Variants in NELL1 observed in about 807,000 individuals in gnomAD.
NELL1 encodes the protein neural EGFL like 1, also known as protein kinase C-binding protein NELL1.
A neutral mutation model predicts 107.4 loss-of-function variants in NELL1; 76 were observed. The observed-to-expected ratio is 0.71, with a 90% confidence interval of 0.59 to 0.86. The LOEUF is 0.86. NELL1 is among the 40% of genes least tolerant of loss of function. The probability of loss-of-function intolerance (pLI) is 0.00; values close to 1 mark genes in which losing one functional copy is unlikely to be tolerated. For synonymous variants in NELL1, 353 were observed against 341.2 expected, an observed-to-expected ratio of 1.03 and a Z score of -0.38; for missense variants, 1,024 against 1,005.5, an observed-to-expected ratio of 1.02 and a Z score of -0.25.
At chr11:21,011,733 T>C (rs1446371607) in intron 12 of NELL1, among the ~76,000 whole-genome samples, 1 of 152,188 alleles carries the variant, frequency 6.6e-6, no homozygotes, top group Admixed American at 6.5e-5. Context: ...TTTTAGGTTC[T>C]TAGTGAACAC....
chr11:20,770,563 G>A (rs1856620027), intron 2 of NELL1, among the ~76,000 whole-genome samples: 1 of 152,142 alleles, frequency 6.6e-6, no homozygotes, highest in Admixed American at 6.5e-5. Flanking sequence ...AACACCCTGT[G>A]GCCAACACAG....
intron 12 of NELL1, among the ~76,000 whole-genome samples, chr11:21,035,599 T>A (rs1038974791): frequency 6.6e-6 from 1 of 152,096 alleles, no homozygotes; most frequent in African/African-American, 2.4e-5. Context: ...TCAATAAATG[T>A]GATTCATCAC....
At chr11:20,809,067 C>A (rs7936777) in intron 3 of NELL1, among the ~76,000 whole-genome samples, 1 of 152,058 alleles carries the variant, frequency 6.6e-6, no homozygotes, top group Non-Finnish European at 1.5e-5. Context: ...GGCTTCTATT[C>A]GGTCATCTTG....
At chr11:21,153,409 G>T (rs1300557431) in intron 13 of NELL1, among the ~76,000 whole-genome samples, 2 of 151,982 alleles carry the variant, frequency 1.3e-5, no homozygotes, top group Non-Finnish European at 2.9e-5. Context: ...GTGTAGAACA[G>T]AGTTGTAAGA....
chr11:21,293,830 A>G (rs1216581768), intron 14 of NELL1, among the ~76,000 whole-genome samples: 6 of 152,152 alleles, frequency 3.9e-5, no homozygotes, highest in African/African-American at 1.4e-4. Flanking sequence ...TAACACAAGA[A>G]CAGAAAACCA....
At position 20,871,515 on chromosome 11, in the gene NELL1, T is replaced by C. The variant is rs189025193; in HGVS notation, c.507-13929T>C. On this transcript the variant is annotated intron_variant, in intron 4 of 19. Transcript: ENST00000357134. ...TCTATCTAATCTGTCTATTCATCCA[T>C]CATCCAAACAACTATTATTAATGGT... 2.4e-4 allele frequency among the ~76,000 whole-genome samples: 37 copies of C among 152,352 alleles called. No individual in the cohort carries two copies. In the East Asian group the frequency reaches 6.7e-3, roughly 28 times the overall value.
chr11:20,924,763 G>T (rs1446398658), intron 7 of NELL1, among the ~76,000 whole-genome samples: 1 of 152,162 alleles, frequency 6.6e-6, no homozygotes, highest in African/African-American at 2.4e-5. Context: ...CAACTCTGTT[G>T]TTCAATCCAA....
In NELL1 at chr11:20,948,718, A is replaced by AAGC. The variant is rs947452229; in HGVS notation, c.1171+1286_1171+1288dup. ...ACTTCCTCTCTGCAGCTTCTCACCCAAGCAGAATTAGATGAATTAGGAGAT... is the reference window on the plus strand; with the variant it reads ...ACTTCCTCTCTGCAGCTTCTCACCCAAGCAGCAGAATTAGATGAATTAGGAGAT... On this transcript the variant is annotated intron_variant, in intron 11 of 19. Transcript: ENST00000357134. 8.7e-5 allele frequency among the ~76,000 whole-genome samples: 13 copies of AAGC among 149,248 alleles called. No individual in the cohort carries two copies. The South Asian group carries it at 2.8e-3, about 32-fold the overall frequency.
At chr11:21,407,661 G>A (rs889649989) in intron 15 of NELL1, among the ~76,000 whole-genome samples, 10 of 146,142 alleles carry the variant, frequency 6.8e-5, no homozygotes, top group East Asian at 2.0e-4. Context: ...TATACCAGCC[G>A]TCAATACCTT....
chr11:21,144,491 G>T (rs145027566), intron 13 of NELL1, among the ~76,000 whole-genome samples: 1 of 152,114 alleles, frequency 6.6e-6, no homozygotes, highest in East Asian at 1.9e-4. Context: ...AAATTTGTCC[G>T]TAATAGAGAG....
At chr11:21,008,407 A>G (rs889773425) in intron 12 of NELL1, among the ~76,000 whole-genome samples, 1 of 152,146 alleles carries the variant, frequency 6.6e-6, no homozygotes, top group African/African-American at 2.4e-5. Flanking sequence ...CATGATTCTA[A>G]GTAAAGGGAT....
intron 15 of NELL1, among the ~76,000 whole-genome samples, chr11:21,482,480 G>A (rs536038234): frequency 2.9e-4 from 44 of 152,096 alleles, no homozygotes; most frequent in East Asian, 1.9e-4. Flanking sequence ...TACACATGTC[G>A]ACTACATTTC....
chr11:20,829,689 C>A (rs968830733), intron 3 of NELL1, among the ~76,000 whole-genome samples: 8 of 152,076 alleles, frequency 5.3e-5, no homozygotes, highest in African/African-American at 1.9e-4. Flanking sequence ...TCAGACTTTC[C>A]TATCTTCATG....
intron 3 of NELL1, among the ~76,000 whole-genome samples, chr11:20,827,843 G>T (rs1003752414): frequency 6.6e-6 from 1 of 151,204 alleles, no homozygotes; most frequent in Non-Finnish European, 1.5e-5. Flanking sequence ...CTCTGTGGGG[G>T]AGTGATGAGG....
At chr11:21,242,165 A>C (rs558383347) in intron 14 of NELL1, among the ~76,000 whole-genome samples, 1 of 152,068 alleles carries the variant, frequency 6.6e-6, no homozygotes, top group Non-Finnish European at 1.5e-5. Flanking sequence ...TAGATGCTGT[A>C]ACAGATAAAC....
In NELL1 at chr11:20,763,700, C is replaced by T. The variant is rs1180070699; in HGVS notation, c.185-19980C>T. 2.0e-5 allele frequency among the ~76,000 whole-genome samples: 3 copies of T among 152,342 alleles called. No individual in the cohort carries two copies. In the South Asian group the frequency reaches 6.2e-4, roughly 32 times the overall value. On this transcript the variant is annotated intron_variant, in intron 2 of 19. Transcript: ENST00000357134. ...ATGCCAAAAGTGCTCTGCCGAGCCACAGCGAGGGCTGAGGGACTCATACTA... is the reference window on the plus strand; with the variant it reads ...ATGCCAAAAGTGCTCTGCCGAGCCATAGCGAGGGCTGAGGGACTCATACTA...
At chr11:20,677,877 G>T in intron 1 of NELL1, 55 bp from the exon 2 acceptor site, 1 of 1,603,050 alleles carries the variant, frequency 6.2e-7, no homozygotes, top group Non-Finnish European at 8.5e-7. Context: ...TGTAACCTCT[G>T]AATGCTAGTA....
chr11:20,741,946 T>C (rs1167806140), intron 2 of NELL1, among the ~76,000 whole-genome samples: 1 of 152,212 alleles, frequency 6.6e-6, no homozygotes, highest in African/African-American at 2.4e-5. Context: ...ACATGGATTC[T>C]GATTCAGGAG....
intron 14 of NELL1, among the ~76,000 whole-genome samples, chr11:21,353,088 A>G (rs967729470): frequency 2.0e-5 from 3 of 152,162 alleles, no homozygotes; most frequent in South Asian, 2.1e-4. Flanking sequence ...GGGCAGAAAG[A>G]TGAACATTAT....
Sources: gnomAD v4.1 joint callset for allele counts (sites outside exome capture counted in the v4.1 genomes callset) on GRCh38, gnomAD v4.1.1 for gene constraint, MANE v1.5 for transcripts, NCBI Gene and HGNC (gene_info 2026-07-23, HGNC 2026-07-21) for gene names.